Variants in GRM7 observed in about 807,000 individuals in gnomAD.
GRM7 encodes the protein glutamate metabotropic receptor 7, also known as metabotropic glutamate receptor 7.
In GRM7, 35 loss-of-function variants were observed where a neutral mutation model predicts 84.5. The ratio of observed to expected loss-of-function variants is 0.41; its 90% CI spans 0.32 to 0.55. The LOEUF is 0.55. Ranked by LOEUF, GRM7 falls within the 20% of genes least tolerant of loss-of-function variation. GRM7 has a pLI of 0.19. For synonymous variants in GRM7, 487 were observed against 455.1 expected, an observed-to-expected ratio of 1.07 and a Z score of -0.89; for missense variants, 1,003 against 1,194.6, an observed-to-expected ratio of 0.84 and a Z score of 2.36.
At chr3:7,028,706 A>T (rs1410352860) in intron 1 of GRM7, among the ~76,000 whole-genome samples, 1 of 152,216 alleles carries the variant, frequency 6.6e-6, no homozygotes, top group Non-Finnish European at 1.5e-5. Context: ...AAAGATGATC[A>T]ACATGATCTC....
intron 1 of GRM7, among the ~76,000 whole-genome samples, chr3:6,876,286 T>C (rs1310015899): frequency 1.3e-5 from 2 of 151,926 alleles, no homozygotes; most frequent in Admixed American, 1.3e-4. Context: ...AAAAAATTAT[T>C]ATGGCATGAA....
intron 1 of GRM7, among the ~76,000 whole-genome samples, chr3:6,889,134 G>T (rs1054428039): frequency 4.6e-5 from 7 of 152,168 alleles, no homozygotes; most frequent in Non-Finnish European, 7.3e-5. Context: ...ATTTTGGGCT[G>T]AGACAATGGG....
At chr3:7,074,084 T>C (rs1212629357) in intron 1 of GRM7, among the ~76,000 whole-genome samples, 1 of 152,158 alleles carries the variant, frequency 6.6e-6, no homozygotes, top group East Asian at 1.9e-4. Context: ...GAATAAAATA[T>C]TAATGTTTTT....
intron 9 of GRM7, among the ~76,000 whole-genome samples, chr3:7,698,486 G>T (rs77605080): frequency 6.6e-6 from 1 of 152,210 alleles, no homozygotes; most frequent in South Asian, 2.1e-4. Context: ...CTGATAAGTA[G>T]AGGATCTTGG....
intron 2 of GRM7, among the ~76,000 whole-genome samples, chr3:7,265,104 C>G (rs1698589723): frequency 6.6e-6 from 1 of 152,198 alleles, no homozygotes; most frequent in South Asian, 2.1e-4. Context: ...GTAATTTCTT[C>G]CCCAAGGACT....
chr3:7,544,142 G>A (rs1396958399), intron 7 of GRM7, among the ~76,000 whole-genome samples: 1 of 152,168 alleles, frequency 6.6e-6, no homozygotes, highest in Non-Finnish European at 1.5e-5. Context: ...CGTAAATCAT[G>A]TGGAAAGAGC....
At chr3:7,246,469 A>G (rs1697764969) in intron 2 of GRM7, among the ~76,000 whole-genome samples, 1 of 152,156 alleles carries the variant, frequency 6.6e-6, no homozygotes, top group South Asian at 2.1e-4. Flanking sequence ...CATATTCACA[A>G]TGGGGACCTT....
intron 2 of GRM7, among the ~76,000 whole-genome samples, chr3:7,219,945 G>A (rs2124871735): frequency 6.6e-6 from 1 of 152,178 alleles, no homozygotes; most frequent in South Asian, 2.1e-4. Flanking sequence ...AAGGGATGCA[G>A]GACCAACTAA....
intron 8 of GRM7, among the ~76,000 whole-genome samples, chr3:7,674,502 T>G (rs554821565): frequency 9.6e-4 from 146 of 152,304 alleles, no homozygotes; most frequent in African/African-American, 3.3e-3. Flanking sequence ...GAATATTTAT[T>G]TTTTAATTGA....
chr3:7,303,695 T>C (rs965195082), intron 3 of GRM7, among the ~76,000 whole-genome samples: 4 of 152,142 alleles, frequency 2.6e-5, no homozygotes, highest in African/African-American at 9.6e-5. Flanking sequence ...GTTGTTGTTA[T>C]AGGCCTTTCA....
Position 7,412,011 on chromosome 3 carries a change from C to T in GRM7, c.1034-3012C>T, listed in dbSNP as rs56026617. On this transcript the variant is annotated intron_variant, in intron 4 of 9. Coordinates refer to ENST00000357716, the MANE Select transcript of GRM7 (RefSeq NM_000844.4). ...CCCAACATCACCTCTTTTCCCTTTT[C>T]TCTTTTTGCTCTCTCCTCTCTCCTC... 5.2e-3 allele frequency among the ~76,000 whole-genome samples: 777 copies of T among 150,706 alleles called. 6 individuals carry two copies. The highest frequency in any genetic ancestry group is 0.023 in the South Asian group (110 of 4,740).
chr3:7,213,535 T>G (rs1188975057), intron 2 of GRM7, among the ~76,000 whole-genome samples: 2 of 152,128 alleles, frequency 1.3e-5, no homozygotes, highest in Non-Finnish European at 2.9e-5. Flanking sequence ...TGAAGTTAGG[T>G]TCTCTGGAAA....
chr3:7,054,333 AAT>A lies in GRM7; in HGVS notation c.520-92114_520-92113del, dbSNP rs376560873. Among the ~76,000 whole-genome samples, 893 of 149,428 alleles carry A rather than the reference AAT, an allele frequency of 6.0e-3. 8 individuals carry two copies. Among genetic ancestry groups the A allele is most frequent in the Middle Eastern group, 0.033 (9 of 274 alleles). Reference sequence around the variant, plus strand: ...ATCTTTTATGATATATATGACATCTAATATATGATGATATATATGATATATGT... The same window carrying A: ...ATCTTTTATGATATATATGACATCTAATATGATGATATATATGATATATGT... On this transcript the variant is annotated intron_variant, in intron 1 of 9. Coordinates refer to ENST00000357716, the MANE Select transcript of GRM7 (RefSeq NM_000844.4).
rs531345084 is a variant in GRM7, at chr3:7,671,584, G to A, written c.2452-8465G>A. Among the ~76,000 whole-genome samples, 4 of 150,560 alleles carry A rather than the reference G, an allele frequency of 2.7e-5. No individual in the cohort carries two copies. In the East Asian group the frequency reaches 7.8e-4, roughly 29 times the overall value. On this transcript the variant is annotated intron_variant, in intron 8 of 9. Coordinates refer to ENST00000357716, the MANE Select transcript of GRM7 (RefSeq NM_000844.4). ...AGAAAAACAAAACACAGTGAAACTA[G>A]GTCTTGTCCAATACTCATCTAGTTG... is the stretch of plus-strand genomic sequence containing the variant.
At chr3:7,095,479 G>A (rs1698824208) in intron 1 of GRM7, among the ~76,000 whole-genome samples, 1 of 152,020 alleles carries the variant, frequency 6.6e-6, no homozygotes, top group African/African-American at 2.4e-5. Flanking sequence ...TGTTTATTCT[G>A]TACAATAAAA....
At chr3:7,144,732 G>C (rs1282183372) in intron 1 of GRM7, among the ~76,000 whole-genome samples, 1 of 152,152 alleles carries the variant, frequency 6.6e-6, no homozygotes, top group African/African-American at 2.4e-5. Flanking sequence ...TTAAACACTA[G>C]CAAACAGAAA....
intron 7 of GRM7, among the ~76,000 whole-genome samples, chr3:7,473,576 A>T (rs912796691): frequency 1.3e-5 from 2 of 151,236 alleles, no homozygotes; most frequent in African/African-American, 2.4e-5. Flanking sequence ...AAGGGAGGTC[A>T]AGGGCAGATA....
chr3:7,321,815 T>C (rs964940506), intron 4 of GRM7, among the ~76,000 whole-genome samples: 2 of 152,132 alleles, frequency 1.3e-5, no homozygotes, highest in African/African-American at 4.8e-5. Flanking sequence ...TATTGGCACT[T>C]ACTTTTAAGT....
In GRM7 at chr3:7,507,954, C is replaced by G. The variant is rs540360780; in HGVS notation, c.1515+46232C>G. Among the ~76,000 whole-genome samples the G allele has an allele frequency of 9.1e-4, 139 of 152,270 alleles. No homozygotes were observed. In the South Asian group the frequency reaches 0.024, roughly 26 times the overall value. On this transcript the variant is annotated intron_variant, in intron 7 of 9. Coordinates refer to ENST00000357716, the MANE Select transcript of GRM7 (RefSeq NM_000844.4). ...CTTGAGTTTTTTCTTTGGGCAATCACTCCTCTTCCTCTATGCTTACTCCAA... is the reference window on the plus strand; with the variant it reads ...CTTGAGTTTTTTCTTTGGGCAATCAGTCCTCTTCCTCTATGCTTACTCCAA...
Sources: allele counts gnomAD v4.1 joint callset (sites outside exome capture counted in the v4.1 genomes callset), GRCh38; gene constraint gnomAD v4.1.1; transcripts MANE v1.5; gene names NCBI Gene and HGNC (gene_info 2026-07-23, HGNC 2026-07-21).